The following RIMS2 variants were observed in gnomAD, a reference collection of about 807,000 sequenced individuals.
RIMS2 encodes the protein regulating synaptic membrane exocytosis 2.
A neutral mutation model predicts 174.4 loss-of-function variants in RIMS2; 59 were observed. The ratio of observed to expected loss-of-function variants is 0.34; its 90% CI spans 0.27 to 0.42. The LOEUF (loss-of-function observed/expected upper bound fraction) is 0.42, where lower values mean the gene tolerates loss of function less well. Ranked by LOEUF, RIMS2 falls within the 10% of genes least tolerant of loss-of-function variation. The pLI is 1.00. For missense variants in RIMS2, 1,620 were observed against 1,666.3 expected (o/e 0.97, Z 0.48); for synonymous variants, 606 against 572.5 (o/e 1.06, Z -0.84).
chr8:103,664,741 A>G (rs1408780487), intron 1 of RIMS2, among the ~76,000 whole-genome samples: 1 of 152,230 alleles, frequency 6.6e-6, no homozygotes, highest in African/African-American at 2.4e-5. Flanking sequence ...ATCTAGAACT[A>G]GAAATGCCAT....
At chr8:104,088,718 C>A (rs2097579864) in intron 19 of RIMS2, among the ~76,000 whole-genome samples, 1 of 151,960 alleles carries the variant, frequency 6.6e-6, no homozygotes, top group Admixed American at 6.6e-5. Context: ...TCTTGAGGTG[C>A]TTTAGCAAAA....
chr8:103,967,508 T>G (rs1323601041), intron 15 of RIMS2, among the ~76,000 whole-genome samples: 1 of 151,820 alleles, frequency 6.6e-6, no homozygotes, highest in African/African-American at 2.4e-5. Flanking sequence ...TGTTTTGTTT[T>G]TTGAGACAGG....
At chr8:104,245,209 C>A in intron 20 of RIMS2, 152 bp downstream of exon 26, 2 of 709,328 alleles carry the variant, frequency 2.8e-6, no homozygotes, top group East Asian at 2.7e-5. Flanking sequence ...GCTCACCTGC[C>A]ACTGAACAAT....
intron 19 of RIMS2, among the ~76,000 whole-genome samples, chr8:104,221,031 A>T (rs2099152423): frequency 6.6e-6 from 1 of 152,240 alleles, no homozygotes; most frequent in Admixed American, 6.5e-5. Context: ...CTTAATCTTT[A>T]GGAGAGTCTG....
intron 17 of RIMS2, among the ~76,000 whole-genome samples, chr8:103,993,280 A>G (rs1005537256): frequency 6.6e-6 from 1 of 152,166 alleles, no homozygotes; most frequent in African/African-American, 2.4e-5. Context: ...ATTTATTTCC[A>G]TGGAGTGTAC....
chr8:104,035,562 T>C (rs1225182098), intron 19 of RIMS2, among the ~76,000 whole-genome samples: 1 of 151,954 alleles, frequency 6.6e-6, no homozygotes, highest in South Asian at 2.1e-4. Context: ...AATGTATCTT[T>C]AGGAAAAGTA....
intron 17 of RIMS2, among the ~76,000 whole-genome samples, chr8:104,004,369 T>G (rs186948224): frequency 6.6e-6 from 1 of 151,848 alleles, no homozygotes; most frequent in East Asian, 1.9e-4. Flanking sequence ...ATGAGAAAAG[T>G]GGAATGACGA....
At chr8:104,221,697 C>T (rs1186130439) in intron 19 of RIMS2, among the ~76,000 whole-genome samples, 3 of 152,150 alleles carry the variant, frequency 2.0e-5, no homozygotes, top group Admixed American at 2.0e-4. Flanking sequence ...TAAGTCTAAA[C>T]AGCTAAAGTT....
intron 4 of RIMS2, among the ~76,000 whole-genome samples, chr8:103,898,710 TTTTG>T (rs937202700): frequency 2.0e-5 from 3 of 151,470 alleles, no homozygotes; most frequent in Non-Finnish European, 4.4e-5. Flanking sequence ...TGGTAGTTCT[TTTTG>T]TTTGTTTTTA....
intron 2 of RIMS2, among the ~76,000 whole-genome samples, chr8:103,723,524 G>T (rs1439720374): frequency 6.6e-6 from 1 of 152,224 alleles, no homozygotes; most frequent in African/African-American, 2.4e-5. Flanking sequence ...CATGTTTCCA[G>T]CATATGTGTG....
chr8:103,761,102 T>C (rs772700473), intron 2 of RIMS2, among the ~76,000 whole-genome samples: 14 of 152,236 alleles, frequency 9.2e-5, no homozygotes, highest in South Asian at 8.3e-4. Flanking sequence ...TCTCTGACTT[T>C]TGGCATTTTC....
intron 1 of RIMS2, among the ~76,000 whole-genome samples, chr8:103,682,077 C>T (rs778491944): frequency 6.6e-6 from 1 of 151,914 alleles, no homozygotes; most frequent in Non-Finnish European, 1.5e-5. Context: ...ATATGGGGAA[C>T]AATGGAAGGG....
intron 1 of RIMS2, among the ~76,000 whole-genome samples, chr8:103,609,443 A>G (rs974333153): frequency 2.0e-5 from 3 of 151,130 alleles, no homozygotes; most frequent in African/African-American, 7.3e-5. Context: ...TCCTATATTA[A>G]GAATGGTCTT....
exon 23 of RIMS2, chr8:104,251,067 A>G (rs763007177): frequency 6.2e-7 from 1 of 1,613,516 alleles, no homozygotes; most frequent in South Asian, 1.1e-5. Flanking sequence ...GAGTCTGCAT[A>G]GCCAAAAAGA....
At chr8:103,826,448 A>G (rs2098791591) in intron 3 of RIMS2, among the ~76,000 whole-genome samples, 1 of 151,498 alleles carries the variant, frequency 6.6e-6, no homozygotes, top group Non-Finnish European at 1.5e-5. Context: ...CCATTTGGTT[A>G]TCCAGTTATT....
chr8:104,072,022 C>G (rs2097205396), intron 19 of RIMS2, among the ~76,000 whole-genome samples: 1 of 152,132 alleles, frequency 6.6e-6, no homozygotes, highest in South Asian at 2.1e-4. Flanking sequence ...CAGGATTATG[C>G]AGGCAGCTTA....
chr8:104,128,852 A>G (rs530905919), intron 19 of RIMS2, among the ~76,000 whole-genome samples: 3 of 152,232 alleles, frequency 2.0e-5, no homozygotes, highest in Admixed American at 2.0e-4. Flanking sequence ...TGTTTTAAAT[A>G]GAGTGGCTAA....
chr8:104,189,528 A>G (rs1403608754), intron 19 of RIMS2, among the ~76,000 whole-genome samples: 1 of 150,984 alleles, frequency 6.6e-6, no homozygotes, highest in Non-Finnish European at 1.5e-5. Context: ...AACTCTGGAA[A>G]GTTTATCTAA....
At chr8:103,707,152 G>T (rs1174062981) in intron 2 of RIMS2, among the ~76,000 whole-genome samples, 1 of 151,934 alleles carries the variant, frequency 6.6e-6, no homozygotes, top group Non-Finnish European at 1.5e-5. Flanking sequence ...CTTTTTTTCT[G>T]ATAAATATCT....
Sources: allele counts gnomAD v4.1 joint callset (sites outside exome capture counted in the v4.1 genomes callset), GRCh38; gene constraint gnomAD v4.1.1; transcripts MANE v1.5; gene names NCBI Gene and HGNC (gene_info 2026-07-23, HGNC 2026-07-21).